PDK1: variants seen among roughly 807,000 people sequenced by gnomAD.
The protein encoded by PDK1 is pyruvate dehydrogenase kinase 1.
Under a neutral mutation model 54.2 loss-of-function variants are expected in PDK1, and 39 were observed. The ratio of observed to expected loss-of-function variants is 0.72; its 90% CI spans 0.56 to 0.94. The LOEUF (loss-of-function observed/expected upper bound fraction) is 0.94, where lower values mean the gene tolerates loss of function less well. PDK1 is among the 40% of genes least tolerant of loss of function. The pLI, the probability that PDK1 is intolerant of heterozygous loss-of-function variation, is 0.00. For missense variants in PDK1, 552 were observed against 566.0 expected (o/e 0.98, Z 0.25); for synonymous variants, 221 against 207.1 (o/e 1.07, Z -0.58).
At chr2:172,644,302 A>T in the PDK1 span, among the ~76,000 whole-genome samples, 1 of 152,246 alleles carries the variant, frequency 6.6e-6, no homozygotes, top group Non-Finnish European at 1.5e-5. Context: ...GTGTTTCAGG[A>T]CTGACTATGA....
At chr2:172,709,815 C>A in the PDK1 span, among the ~76,000 whole-genome samples, 1 of 152,152 alleles carries the variant, frequency 6.6e-6, no homozygotes, top group African/African-American at 2.4e-5. Flanking sequence ...CCTGATGGGT[C>A]ACGGTGCATC....
At chr2:172,678,507 T>C in the PDK1 span, among the ~76,000 whole-genome samples, 5 of 152,168 alleles carry the variant, frequency 3.3e-5, no homozygotes, top group African/African-American at 1.2e-4. Context: ...AAAATAATGC[T>C]TATGCATTAT....
chr2:172,614,282 C>T, the PDK1 span, among the ~76,000 whole-genome samples: 3 of 151,686 alleles, frequency 2.0e-5, no homozygotes, highest in South Asian at 6.3e-4. Context: ...CCAGGGAGGT[C>T]CTGAAGACTG....
chr2:172,623,561 A>T, the PDK1 span, among the ~76,000 whole-genome samples: 6 of 152,234 alleles, frequency 3.9e-5, no homozygotes, highest in Non-Finnish European at 8.8e-5. Context: ...TATGATATGT[A>T]GTAATAAAAC....
intron 7 of PDK1, among the ~76,000 whole-genome samples, chr2:172,569,085 C>G (rs1348875235): frequency 6.6e-6 from 1 of 152,184 alleles, no homozygotes; most frequent in Non-Finnish European, 1.5e-5. Flanking sequence ...GTCACTCAAC[C>G]TCTCTGAGCC....
At chr2:172,702,028 G>T in the PDK1 span, among the ~76,000 whole-genome samples, 2 of 152,102 alleles carry the variant, frequency 1.3e-5, no homozygotes, top group African/African-American at 4.8e-5. Flanking sequence ...CCTCCAAAAA[G>T]GATTTACATG....
chr2:172,620,471 C>T, the PDK1 span, among the ~76,000 whole-genome samples: 1 of 152,148 alleles, frequency 6.6e-6, no homozygotes, highest in Non-Finnish European at 1.5e-5. Context: ...GAAGAAAAGC[C>T]TCAGGGAACC....
the PDK1 span, among the ~76,000 whole-genome samples, chr2:172,671,852 T>A: frequency 2.0e-5 from 3 of 152,130 alleles, no homozygotes; most frequent in African/African-American, 7.2e-5. Context: ...TGAAGACAGG[T>A]AACACAGTAA....
the PDK1 span, among the ~76,000 whole-genome samples, chr2:172,682,422 A>G: frequency 2.0e-5 from 3 of 152,232 alleles, no homozygotes; most frequent in African/African-American, 4.8e-5. Context: ...AAGTCTGGCC[A>G]CTGCAGTGAG....
At chr2:172,694,968 A>G in the PDK1 span, among the ~76,000 whole-genome samples, 1 of 152,064 alleles carries the variant, frequency 6.6e-6, no homozygotes, top group Non-Finnish European at 1.5e-5. Context: ...AAATATAAAA[A>G]TTAGCCGGGC....
the PDK1 span, among the ~76,000 whole-genome samples, chr2:172,628,969 A>G: frequency 6.6e-6 from 1 of 152,170 alleles, no homozygotes; most frequent in Non-Finnish European, 1.5e-5. Flanking sequence ...ACATAAAAAT[A>G]AAAAATAAAT....
the PDK1 span, among the ~76,000 whole-genome samples, chr2:172,718,678 G>C: frequency 1.3e-5 from 2 of 152,132 alleles, no homozygotes; most frequent in African/African-American, 4.8e-5. Context: ...AGGTCTCATG[G>C]GGAAGGCCCT....
chr2:172,558,146 T>C (rs1291244845), intron 1 of PDK1: 1 of 152,304 alleles, frequency 6.6e-6, no homozygotes, highest in Non-Finnish European at 1.5e-5. Context: ...TTTTAATTTA[T>C]TTTTTTAAGG....
chr2:172,633,191 C>G, the PDK1 span, among the ~76,000 whole-genome samples: 1 of 141,416 alleles, frequency 7.1e-6, no homozygotes, highest in African/African-American at 2.6e-5. Context: ...TATAGGCATG[C>G]ACCACCATGC....
the PDK1 span, among the ~76,000 whole-genome samples, chr2:172,722,966 A>G: frequency 6.6e-6 from 1 of 152,006 alleles, no homozygotes; most frequent in African/African-American, 2.4e-5. Context: ...AATTTCTAGT[A>G]AAACATTTTT....
At chr2:172,618,982 A>G in the PDK1 span, among the ~76,000 whole-genome samples, 4 of 152,190 alleles carry the variant, frequency 2.6e-5, no homozygotes, top group Non-Finnish European at 5.9e-5. Flanking sequence ...AGTTAGATGC[A>G]TCGACCCTAT....
the PDK1 span, among the ~76,000 whole-genome samples, chr2:172,619,083 C>G: frequency 6.6e-6 from 1 of 152,092 alleles, no homozygotes; most frequent in Non-Finnish European, 1.5e-5. Context: ...GTTTTAAGTC[C>G]TCATCTTTGC....
the PDK1 span, among the ~76,000 whole-genome samples, chr2:172,687,525 C>G: frequency 6.6e-6 from 1 of 152,102 alleles, no homozygotes; most frequent in Non-Finnish European, 1.5e-5. Context: ...GTCTCAGGGT[C>G]ACACTTCATA....
the PDK1 span, among the ~76,000 whole-genome samples, chr2:172,633,867 ATTTTTTT>A: frequency 8.9e-3 from 614 of 68,852 alleles, 8 homozygotes; most frequent in African/African-American, 0.035. Flanking sequence ...TTAGTCTATG[ATTTTTTT>A]TTTTTTTTTT....
Sources: allele counts gnomAD v4.1 joint callset (sites outside exome capture counted in the v4.1 genomes callset), GRCh38; gene constraint gnomAD v4.1.1; transcripts MANE v1.5; gene names NCBI Gene and HGNC (gene_info 2026-07-23, HGNC 2026-07-21).